The following LTBP1 variants were observed in gnomAD, a reference collection of about 807,000 sequenced individuals.
LTBP1 encodes latent transforming growth factor beta binding protein 1, also known as latent-transforming growth factor beta-binding protein 1.
LTBP1 carries 129 observed loss-of-function variants against 207.6 expected under a neutral mutation model. That is an observed-to-expected ratio of 0.62 (90% CI 0.54 to 0.72). LTBP1 has a LOEUF of 0.72. Among genes scored for constraint, LTBP1 ranks in the 30% least tolerant of loss-of-function variants. The probability of loss-of-function intolerance (pLI) is 0.00; values close to 1 mark genes in which losing one functional copy is unlikely to be tolerated. For synonymous variants in LTBP1, 963 were observed against 833.7 expected, an observed-to-expected ratio of 1.16 and a Z score of -2.67; for missense variants, 2,281 against 2,217.2, an observed-to-expected ratio of 1.03 and a Z score of -0.58.
At chr2:32,998,531 A>G (rs1403763331) in intron 2 of LTBP1, among the ~76,000 whole-genome samples, 1 of 148,966 alleles carries the variant, frequency 6.7e-6, no homozygotes, top group Non-Finnish European at 1.5e-5. Flanking sequence ...AAAAAAAAAA[A>G]AAAAAAAAAA....
intron 3 of LTBP1, among the ~76,000 whole-genome samples, chr2:33,038,830 A>T (rs190838187): frequency 6.6e-6 from 1 of 152,176 alleles, no homozygotes; most frequent in Non-Finnish European, 1.5e-5. Context: ...AGTCTTAGGA[A>T]AATGTCTTTT....
intron 4 of LTBP1, among the ~76,000 whole-genome samples, chr2:33,118,236 G>A (rs1156785662): frequency 6.6e-6 from 1 of 151,960 alleles, no homozygotes; most frequent in African/African-American, 2.4e-5. Flanking sequence ...ACTGTCTTTG[G>A]GATTGGCTTA....
At chr2:33,056,578 G>A (rs926271157) in intron 3 of LTBP1, 5 of 401,506 alleles carry the variant, frequency 1.2e-5, no homozygotes, top group African/African-American at 8.5e-5. Context: ...GTGAAGCCGC[G>A]GACCCTCGCA....
At chr2:33,266,813 A>G (rs2093193203) in intron 15 of LTBP1, among the ~76,000 whole-genome samples, 1 of 152,162 alleles carries the variant, frequency 6.6e-6, no homozygotes, top group South Asian at 2.1e-4. Flanking sequence ...AGTTTTCTGT[A>G]TACCTCATTC....
chr2:33,257,365 T>C lies in LTBP1; in HGVS notation c.2249T>C (p.Val750Ala). 1 of 1,614,216 alleles carries C rather than the reference T, an allele frequency of 6.2e-7. No individual in the cohort carries two copies. Among genetic ancestry groups the C allele is most frequent in the Non-Finnish European group, 8.5e-7 (1 of 1,180,022 alleles). ...VHRRRPIHHH[V>A]GKGPVFVKPK... Reference sequence around the variant, plus strand: ...AGACGCAGGCCAATCCATCACCATGTAGGTAAAGGACCTGTATTTGTCAAG... The same window carrying C: ...AGACGCAGGCCAATCCATCACCATGCAGGTAAAGGACCTGTATTTGTCAAG... Residue 750 changes from valine (V) to alanine (A), a missense_variant, in exon 12 of 34, where the codon GTA becomes GCA. Transcript: ENST00000404816.
intron 5 of LTBP1, among the ~76,000 whole-genome samples, chr2:33,152,869 G>C (rs1455619457): frequency 6.6e-6 from 1 of 152,198 alleles, no homozygotes; most frequent in Non-Finnish European, 1.5e-5. Context: ...ATCTCTAGCT[G>C]ATAATTGATT....
At chr2:33,211,455 A>G (rs1166433577) in intron 7 of LTBP1, among the ~76,000 whole-genome samples, 1 of 152,146 alleles carries the variant, frequency 6.6e-6, no homozygotes, top group Non-Finnish European at 1.5e-5. Flanking sequence ...CTGGGATTGG[A>G]CAAGCATCAT....
chr2:33,305,656 G>A (rs906625293), intron 22 of LTBP1, among the ~76,000 whole-genome samples: 2 of 152,172 alleles, frequency 1.3e-5, no homozygotes, highest in African/African-American at 2.4e-5. Flanking sequence ...TTGGAATTTA[G>A]GGGTGAGTTC....
At chr2:33,027,027 G>A (rs2075448774) in intron 3 of LTBP1, among the ~76,000 whole-genome samples, 1 of 152,152 alleles carries the variant, frequency 6.6e-6, no homozygotes. Flanking sequence ...AAATAATACG[G>A]TGTGTTTTTT....
chr2:33,243,733 T>C lies in LTBP1; in HGVS notation c.1948T>C (p.Cys650Arg), dbSNP rs1321840480. ...TTTGAATACCATGGGCAGCTATCGA[T>C]GTACCTGCAAAATAGGATTTGGGCC... ...ECLNTMGSYR[C>R]TCKIGFGPDP... Residue 650 changes from cysteine (C) to arginine (R), a missense_variant, in exon 10 of 34, where the codon TGT becomes CGT. Physicochemically the swap from Cys to Arg is radical, Grantham distance 180 (BLOSUM62 -3). Around this residue, in one of 3 missense-constraint regions of LTBP1, gnomAD observed 1,671 missense variants for 1,634.8 expected, o/e 1.02. Transcript: ENST00000404816. The C allele has an allele frequency of 6.2e-7, 1 of 1,613,738 alleles. No homozygotes were observed.
intron 5 of LTBP1, among the ~76,000 whole-genome samples, chr2:33,135,931 A>G (rs1447060700): frequency 6.6e-6 from 1 of 152,184 alleles, no homozygotes; most frequent in Non-Finnish European, 1.5e-5. Flanking sequence ...TGGTCTTTTT[A>G]TGGAATATTG....
At chr2:32,950,001 A>G (rs1001291219) in intron 2 of LTBP1, among the ~76,000 whole-genome samples, 2 of 152,230 alleles carry the variant, frequency 1.3e-5, no homozygotes, top group African/African-American at 4.8e-5. Flanking sequence ...AACTCAAACC[A>G]CTAGATCAGA....
At chr2:32,984,676 C>T (rs1272685262) in intron 2 of LTBP1, among the ~76,000 whole-genome samples, 1 of 151,804 alleles carries the variant, frequency 6.6e-6, no homozygotes, top group Non-Finnish European at 1.5e-5. Flanking sequence ...AATCCCAGCA[C>T]TTTGGAGGCC....
chr2:33,125,922 C>T (rs781405932), intron 4 of LTBP1, among the ~76,000 whole-genome samples: 2 of 152,010 alleles, frequency 1.3e-5, no homozygotes, highest in Non-Finnish European at 2.9e-5. Flanking sequence ...AGAGGGACCT[C>T]AGTTGGTTGG....
intron 5 of LTBP1, among the ~76,000 whole-genome samples, chr2:33,185,772 A>T (rs2087127720): frequency 6.6e-6 from 1 of 151,690 alleles, no homozygotes; most frequent in African/African-American, 2.4e-5. Context: ...GGAATGGGAA[A>T]ACATAAACCG....
chr2:32,986,386 T>C (rs1683571134), intron 2 of LTBP1, among the ~76,000 whole-genome samples: 1 of 152,072 alleles, frequency 6.6e-6, no homozygotes, highest in Non-Finnish European at 1.5e-5. Flanking sequence ...TGGTTGTAAG[T>C]GGATGATACA....
In LTBP1 at chr2:33,131,488, C is replaced by T. The variant is rs17623106; in HGVS notation, c.1034-3305C>T. On this transcript the variant is annotated intron_variant, in intron 4 of 33. Coordinates refer to ENST00000404816, the MANE Select transcript of LTBP1 (RefSeq NM_206943.4). ...AGATGGGAGAACATATTTTCTAATC[C>T]ATCCAGCATTTATGGAGATCCTGTT... 7.4e-3 allele frequency among the ~76,000 whole-genome samples: 1,131 copies of T among 152,268 alleles called. 13 individuals are homozygous for T. The highest frequency in any genetic ancestry group is 0.011 in the Non-Finnish European group (728 of 68,016).
intron 30 of LTBP1, among the ~76,000 whole-genome samples, chr2:33,364,771 G>A (rs2094964534): frequency 6.6e-6 from 1 of 152,208 alleles, no homozygotes; most frequent in African/African-American, 2.4e-5. Context: ...GAAGTCCACT[G>A]ACAAACTCCT....
chr2:33,021,337 T>G (rs1404025823), intron 3 of LTBP1, 131 bp downstream of exon 3: 12 of 884,074 alleles, frequency 1.4e-5, no homozygotes, highest in African/African-American at 5.0e-5. Context: ...TTCTTTCCTT[T>G]CTTAAGGCTT....
Sources: allele counts gnomAD v4.1 joint callset (sites outside exome capture counted in the v4.1 genomes callset), GRCh38; gene constraint gnomAD v4.1.1; regional missense constraint gnomAD v4.1.1; transcripts MANE v1.5; gene names NCBI Gene and HGNC (gene_info 2026-07-23, HGNC 2026-07-21).